MYRIP: variants seen among roughly 807,000 people sequenced by gnomAD.
The protein encoded by MYRIP is rab effector MyRIP.
A neutral mutation model predicts 98.0 loss-of-function variants in MYRIP; 49 were observed. The observed-to-expected ratio is 0.50, with a 90% confidence interval of 0.40 to 0.63. MYRIP has a LOEUF of 0.63. Ranked by LOEUF, MYRIP falls within the 30% of genes least tolerant of loss-of-function variation. The pLI, the probability that MYRIP is intolerant of heterozygous loss-of-function variation, is 0.00. For synonymous variants in MYRIP, 404 were observed against 409.5 expected (o/e 0.99, Z 0.16); for missense variants, 1,004 against 1,058.2 (o/e 0.95, Z 0.71).
chr3:40,074,940 C>T (rs976313942), intron 3 of MYRIP, among the ~76,000 whole-genome samples: 1 of 152,032 alleles, frequency 6.6e-6, no homozygotes, highest in African/African-American at 2.4e-5. Context: ...ATTCAAAGAG[C>T]TAGTTTCCTC....
intron 2 of MYRIP, among the ~76,000 whole-genome samples, chr3:39,976,273 A>G (rs955300869): frequency 1.1e-4 from 17 of 152,244 alleles, no homozygotes; most frequent in African/African-American, 3.9e-4. Flanking sequence ...ACATTTATGC[A>G]GCCAAAAGAC....
chr3:40,152,769 G>A (rs1309508801), intron 4 of MYRIP, among the ~76,000 whole-genome samples: 1 of 152,086 alleles, frequency 6.6e-6, no homozygotes, highest in African/African-American at 2.4e-5. Flanking sequence ...TCAAAGCGTG[G>A]CTCAAGGCCT....
At chr3:39,934,417 C>T (rs1329468960) in intron 2 of MYRIP, among the ~76,000 whole-genome samples, 2 of 152,062 alleles carry the variant, frequency 1.3e-5, no homozygotes, top group East Asian at 3.9e-4. Context: ...GAACAAATGC[C>T]ATCCCCAGGT....
chr3:40,239,357 A>G (rs9284872), intron 12 of MYRIP, among the ~76,000 whole-genome samples: 14,950 of 143,708 alleles, frequency 0.1, 1,779 homozygotes, highest in African/African-American at 0.3. Context: ...GAATAGTGCC[A>G]CAACAAACAT....
At chr3:39,982,802 C>G (rs1423182833) in intron 2 of MYRIP, among the ~76,000 whole-genome samples, 1 of 152,108 alleles carries the variant, frequency 6.6e-6, no homozygotes, top group Non-Finnish European at 1.5e-5. Flanking sequence ...TTTGAAAACA[C>G]TTTCTGATTT....
chr3:39,993,376 C>A (rs1014496974), intron 2 of MYRIP, among the ~76,000 whole-genome samples: 2 of 152,192 alleles, frequency 1.3e-5, no homozygotes, highest in African/African-American at 4.8e-5. Context: ...AATTTGCATT[C>A]ATCTTTAGTC....
intron 3 of MYRIP, among the ~76,000 whole-genome samples, chr3:40,051,698 C>G (rs1443956187): frequency 6.6e-6 from 1 of 152,130 alleles, no homozygotes; most frequent in Non-Finnish European, 1.5e-5. Context: ...GAAATCAAAA[C>G]ACAGCTCATT....
Position 40,025,148 on chromosome 3 carries a change from G to C in MYRIP, c.111-18902G>C, listed in dbSNP as rs376416515. On this transcript the variant is annotated intron_variant, in intron 2 of 16. Coordinates refer to ENST00000302541, the MANE Select transcript of MYRIP (RefSeq NM_015460.4). ...TGAACCTGAGGCTAGTGAGGTTCCT[G>C]TAGCCTTATCAGACAGCACTCATGT... Among the ~76,000 whole-genome samples the C allele has an allele frequency of 1.4e-3, 207 of 152,258 alleles. 3 individuals are homozygous for C. The South Asian group carries it at 0.041, about 30-fold the overall frequency.
At chr3:40,102,906 G>A (rs1948974191) in intron 3 of MYRIP, among the ~76,000 whole-genome samples, 1 of 151,942 alleles carries the variant, frequency 6.6e-6, no homozygotes, top group Non-Finnish European at 1.5e-5. Context: ...TTACAAGACA[G>A]TACTAACCCC....
At chr3:40,179,808 C>T (rs1016944091) in intron 8 of MYRIP, among the ~76,000 whole-genome samples, 1 of 152,226 alleles carries the variant, frequency 6.6e-6, no homozygotes, top group Admixed American at 6.5e-5. Context: ...GTGGACAGAG[C>T]TGTGTGATCA....
Position 40,182,237 on chromosome 3 carries a change from C to G in MYRIP, c.891C>G (p.Phe297Leu). 1 of 1,611,800 alleles carries G rather than the reference C, an allele frequency of 6.2e-7. No homozygotes were observed. Among genetic ancestry groups the G allele is most frequent in the South Asian group, 1.1e-5 (1 of 90,518 alleles). ...PAALWRSQSA[F>L]SITGEEALKT... ...TTCCACAGAGGTCCCAGTCTGCCTT[C>G]TCAATCACTGGAGAAGAAGCCCTGA... Residue 297 changes from phenylalanine to leucine, a missense_variant, in exon 9 of 17, where the codon TTC (phenylalanine) becomes TTG (leucine). This residue lies in a region of MYRIP where 880 missense variants were observed against 907.7 expected (regional missense o/e 0.97). Coordinates refer to ENST00000302541, the MANE Select transcript of MYRIP (RefSeq NM_015460.4).
intron 2 of MYRIP, among the ~76,000 whole-genome samples, chr3:39,925,875 G>C (rs924282248): frequency 5.3e-5 from 8 of 152,024 alleles, no homozygotes; most frequent in African/African-American, 1.7e-4. Context: ...TTGAATGGCA[G>C]TTCTGTTTTC....
intron 2 of MYRIP, chr3:39,969,990 T>G (rs1945537760): frequency 6.6e-6 from 1 of 152,136 alleles, no homozygotes; most frequent in Non-Finnish European, 1.5e-5. Flanking sequence ...ACTGATCCAA[T>G]TTTGGAGCTT....
intron 4 of MYRIP, among the ~76,000 whole-genome samples, chr3:40,159,870 G>A (rs1237217028): frequency 9.2e-5 from 14 of 152,198 alleles, no homozygotes; most frequent in Admixed American, 2.0e-4. Context: ...ACTTCTCTGT[G>A]TTAGTTATTC....
At chr3:40,057,022 C>A (rs1207471148) in intron 3 of MYRIP, among the ~76,000 whole-genome samples, 1 of 152,156 alleles carries the variant, frequency 6.6e-6, no homozygotes, top group African/African-American at 2.4e-5. Context: ...TTAATTACTG[C>A]TGTTATTGAT....
chr3:40,223,069 G>C (rs1183222001), intron 11 of MYRIP, among the ~76,000 whole-genome samples: 1 of 152,166 alleles, frequency 6.6e-6, no homozygotes, highest in Admixed American at 6.5e-5. Context: ...CAAAAAATGT[G>C]AAGTTAAAAC....
At chr3:40,240,946 C>G (rs1348266391) in intron 12 of MYRIP, among the ~76,000 whole-genome samples, 1 of 152,180 alleles carries the variant, frequency 6.6e-6, no homozygotes, top group East Asian at 1.9e-4. Flanking sequence ...CAGCCCTAGA[C>G]AGTGGTATCT....
intron 3 of MYRIP, among the ~76,000 whole-genome samples, chr3:40,094,706 T>C (rs1234205260): frequency 6.6e-6 from 1 of 152,172 alleles, no homozygotes; most frequent in East Asian, 1.9e-4. Flanking sequence ...GACAGAAAAC[T>C]CAACCTCGCT....
intron 2 of MYRIP, among the ~76,000 whole-genome samples, chr3:40,034,000 G>T (rs1471423054): frequency 6.6e-6 from 1 of 152,044 alleles, no homozygotes; most frequent in African/African-American, 2.4e-5. Context: ...AAATGGTGCT[G>T]GGAAAACTGG....
Sources: allele counts gnomAD v4.1 joint callset (sites outside exome capture counted in the v4.1 genomes callset), GRCh38; gene constraint gnomAD v4.1.1; regional missense constraint gnomAD v4.1.1; transcripts MANE v1.5; gene names NCBI Gene and HGNC (gene_info 2026-07-23, HGNC 2026-07-21).